Variants in PCCA observed in about 807,000 individuals in gnomAD.
PCCA encodes the protein propionyl-CoA carboxylase alpha chain, mitochondrial.
In PCCA, 74 loss-of-function variants were observed where a neutral mutation model predicts 101.3. The observed-to-expected ratio is 0.73, with a 90% CI of 0.61 to 0.89. The LOEUF is 0.89. Among genes scored for constraint, PCCA ranks in the 40% least tolerant of loss-of-function variants. The pLI, the probability that PCCA is intolerant of heterozygous loss-of-function variation, is 0.00. For missense variants in PCCA, 891 were observed against 907.0 expected (o/e 0.98, Z 0.23); for synonymous variants, 294 against 313.6 (o/e 0.94, Z 0.66).
intron 6 of PCCA, among the ~76,000 whole-genome samples, chr13:100,201,750 G>A (rs571025418): frequency 3.3e-5 from 5 of 150,524 alleles, no homozygotes; most frequent in South Asian, 4.2e-4. Flanking sequence ...CCAGCTACTT[G>A]GGAGGCTGAG....
chr13:100,301,573 C>T lies in PCCA; in HGVS notation c.1179C>T (p.Gly393=), dbSNP rs1430193054. The T allele has an allele frequency of 6.2e-7, 1 of 1,614,044 alleles. No individual in the cohort carries two copies. Among genetic ancestry groups the T allele is most frequent in the Non-Finnish European group, 8.5e-7 (1 of 1,179,972 alleles). The change falls in exon 13 of 24, where the codon GGC becomes GGT. Residue 393 remains glycine, a synonymous_variant. Coordinates refer to ENST00000376285, the MANE Select transcript of PCCA (RefSeq NM_000282.4). Reference sequence around the variant, plus strand: ...AACAAGCTGATATTCGCATCAACGGCTGGGCAGTTGAATGTCGGGTTTATG... The same window carrying T: ...AACAAGCTGATATTCGCATCAACGGTTGGGCAGTTGAATGTCGGGTTTATG... ...RHKQADIRIN[G]WAVECRVYAE... is the part of the protein sequence containing the mutation.
intron 16 of PCCA, among the ~76,000 whole-genome samples, chr13:100,319,953 A>G (rs2067831544): frequency 6.6e-6 from 1 of 152,164 alleles, no homozygotes; most frequent in Admixed American, 6.5e-5. Flanking sequence ...AGTTCTTCCT[A>G]TCCATGAGCA....
chr13:100,316,993 C>T (rs2067427824), intron 16 of PCCA, among the ~76,000 whole-genome samples: 1 of 151,914 alleles, frequency 6.6e-6, no homozygotes. Flanking sequence ...AGGCTGGTCT[C>T]AACTCCTGAC....
chr13:100,495,832 T>G (rs2085235750), intron 21 of PCCA, among the ~76,000 whole-genome samples: 1 of 152,260 alleles, frequency 6.6e-6, no homozygotes, highest in Admixed American at 6.5e-5. Context: ...TTTTAATTTT[T>G]TAAAACTTAT....
At chr13:100,218,829 A>G (rs960900409) in intron 7 of PCCA, among the ~76,000 whole-genome samples, 1 of 152,232 alleles carries the variant, frequency 6.6e-6, no homozygotes, top group Non-Finnish European at 1.5e-5. Context: ...TTAACAGACT[A>G]GAGAACAAGA....
chr13:100,268,846 T>TCATTCATC (rs1423339145), intron 11 of PCCA, 63 bp downstream of exon 11: 3 of 1,052,506 alleles, frequency 2.9e-6, no homozygotes, highest in Admixed American at 3.5e-5. Context: ...ATTCATTCAT[T>TCATTCATC]CATTCATCAT....
intron 12 of PCCA, among the ~76,000 whole-genome samples, chr13:100,281,272 G>A (rs1007766233): frequency 1.5e-4 from 23 of 152,110 alleles, no homozygotes; most frequent in African/African-American, 4.1e-4. Context: ...ATCTTCCGTC[G>A]GTGGCATTGT....
chr13:100,462,660 G>A (rs1034754648), intron 21 of PCCA, among the ~76,000 whole-genome samples: 18 of 152,156 alleles, frequency 1.2e-4, no homozygotes, highest in African/African-American at 4.3e-4. Flanking sequence ...GGGAAAAGAA[G>A]AACTGTATTT....
At chr13:100,475,279 A>G (rs886130851) in intron 21 of PCCA, among the ~76,000 whole-genome samples, 7 of 152,084 alleles carry the variant, frequency 4.6e-5, no homozygotes, top group Non-Finnish European at 7.4e-5. Flanking sequence ...AAACATTTTC[A>G]TCACCCCAAA....
chr13:100,205,869 T>C (rs2152471961), intron 6 of PCCA, among the ~76,000 whole-genome samples: 1 of 152,286 alleles, frequency 6.6e-6, no homozygotes, highest in East Asian at 1.9e-4. Context: ...CCTCTTGTCT[T>C]TACTTAGTGT....
In PCCA at chr13:100,348,733, TTTCTTTCTTTC is replaced by T. The variant is rs1566975633; in HGVS notation, c.1643+8477_1643+8487del. ...TTTACTTTCCGTTTTTTTTCCTTTC[TTTCTTTCTTTC>T]TTTCTTTCTTTCTTTCTTTCTTTCT... On this transcript the variant is annotated intron_variant, in intron 18 of 23. Transcript: ENST00000376285. Among the ~76,000 whole-genome samples the T allele has an allele frequency of 1.4e-3, 106 of 77,144 alleles. 4 individuals are homozygous for T. The highest frequency in any genetic ancestry group is 4.3e-3 in the African/African-American group (71 of 16,662). The allele number at this position is 77,144 out of a possible 152,430, so 50.6% of individuals were successfully genotyped here.
intron 18 of PCCA, among the ~76,000 whole-genome samples, chr13:100,350,708 G>T (rs930101578): frequency 2.0e-5 from 3 of 152,190 alleles, no homozygotes; most frequent in African/African-American, 4.8e-5. Context: ...TATTGCTGGA[G>T]AATTTCTCTG....
intron 23 of PCCA, among the ~76,000 whole-genome samples, chr13:100,529,021 G>C (rs1414240288): frequency 6.6e-6 from 1 of 152,126 alleles, no homozygotes; most frequent in African/African-American, 2.4e-5. Flanking sequence ...GTGGTAGTAG[G>C]TTTCCTGTCC....
chr13:100,130,751 T>C (rs2152321246), intron 4 of PCCA, among the ~76,000 whole-genome samples: 1 of 152,314 alleles, frequency 6.6e-6, no homozygotes, highest in South Asian at 2.1e-4. Context: ...TAATTAAATA[T>C]AGCAAAGTGT....
intron 11 of PCCA, among the ~76,000 whole-genome samples, chr13:100,272,892 T>C (rs2063390392): frequency 6.6e-6 from 1 of 152,224 alleles, no homozygotes; most frequent in South Asian, 2.1e-4. Flanking sequence ...ATTCTGAATA[T>C]ATATGTTAAA....
intron 7 of PCCA, among the ~76,000 whole-genome samples, chr13:100,220,567 C>T (rs747467968): frequency 6.6e-6 from 1 of 151,988 alleles, no homozygotes; most frequent in African/African-American, 2.4e-5. Context: ...CACCGCGCCC[C>T]GTCATTCACA....
At chr13:100,349,091 C>G (rs1483769592) in intron 18 of PCCA, among the ~76,000 whole-genome samples, 1 of 151,642 alleles carries the variant, frequency 6.6e-6, no homozygotes, top group Non-Finnish European at 1.5e-5. Flanking sequence ...TACAGGCATG[C>G]ACCGCCAGGC....
At chr13:100,320,880 T>C (rs1291106905) in intron 16 of PCCA, among the ~76,000 whole-genome samples, 1 of 152,110 alleles carries the variant, frequency 6.6e-6, no homozygotes, top group Non-Finnish European at 1.5e-5. Context: ...GACTCCTGAG[T>C]AGCTGGGACT....
In PCCA at chr13:100,528,740, G is replaced by A. The variant is rs556040424; in HGVS notation, c.2118+988G>A. Reference sequence around the variant, plus strand: ...AGAGTAGAATGACATGATTTGTGGCGTTTTTAAGGAATTCTTTCTAAATTA... The same window carrying A: ...AGAGTAGAATGACATGATTTGTGGCATTTTTAAGGAATTCTTTCTAAATTA... On this transcript the variant is annotated intron_variant, in intron 23 of 23. Transcript: ENST00000376285. 5.3e-5 allele frequency among the ~76,000 whole-genome samples: 8 copies of A among 152,286 alleles called. No homozygotes were observed. The East Asian group carries it at 5.8e-4, about 11-fold the overall frequency.
Sources: gnomAD v4.1 joint callset for allele counts (sites outside exome capture counted in the v4.1 genomes callset) on GRCh38, gnomAD v4.1.1 for gene constraint, MANE v1.5 for transcripts, NCBI Gene and HGNC (gene_info 2026-07-23, HGNC 2026-07-21) for gene names.